CCSER1: variants seen among roughly 807,000 people sequenced by gnomAD.
CCSER1 encodes the protein coiled-coil serine rich protein 1, also known as serine-rich coiled-coil domain-containing protein 1.
CCSER1 carries 41 observed loss-of-function variants against 82.0 expected under a neutral mutation model. That is an observed-to-expected ratio of 0.50 (90% CI 0.39 to 0.65). The LOEUF (loss-of-function observed/expected upper bound fraction) is 0.65, where lower values mean the gene tolerates loss of function less well. Among genes scored for constraint, CCSER1 ranks in the 30% least tolerant of loss-of-function variants. CCSER1 has a pLI of 0.00. For missense variants in CCSER1, 1,119 were observed against 1,064.2 expected (o/e 1.05, Z -0.72); for synonymous variants, 414 against 383.9 (o/e 1.08, Z -0.92).
At chr4:90,721,910 A>G (rs1742750493) in intron 6 of CCSER1, among the ~76,000 whole-genome samples, 1 of 151,480 alleles carries the variant, frequency 6.6e-6, no homozygotes, top group Admixed American at 6.6e-5. Context: ...TCCTCAGAAC[A>G]GTAAAATTAA....
chr4:90,357,499 T>A (rs1744583148), intron 3 of CCSER1, among the ~76,000 whole-genome samples: 1 of 151,982 alleles, frequency 6.6e-6, no homozygotes, highest in African/African-American at 2.4e-5. Flanking sequence ...TGGAACATAG[T>A]AAAATTGTTA....
At chr4:91,069,672 A>G (rs1456914478) in intron 9 of CCSER1, among the ~76,000 whole-genome samples, 7 of 152,194 alleles carry the variant, frequency 4.6e-5, no homozygotes, top group Non-Finnish European at 8.8e-5. Context: ...AGAAACTTAA[A>G]ATTGAGTGAT....
chr4:90,816,638 A>G (rs532508616), intron 8 of CCSER1, among the ~76,000 whole-genome samples: 2 of 152,254 alleles, frequency 1.3e-5, no homozygotes, highest in African/African-American at 2.4e-5. Context: ...TACACTAATA[A>G]TAGATTAAAG....
At position 91,482,142 on chromosome 4, in the gene CCSER1, C is replaced by T. The variant is rs533924628; in HGVS notation, c.2218-116430C>T. ...AACGGGCCGGGCGCGGTGGCTCACGCCTGTAATCCCAGCACTTTGGGAGGC... is the reference window on the plus strand; with the variant it reads ...AACGGGCCGGGCGCGGTGGCTCACGTCTGTAATCCCAGCACTTTGGGAGGC... On this transcript the variant is annotated intron_variant, in intron 10 of 10. Transcript: ENST00000509176. 2.0e-3 allele frequency among the ~76,000 whole-genome samples: 309 copies of T among 151,526 alleles called. 9 individuals are homozygous for T. In the South Asian group the frequency reaches 0.063, roughly 31 times the overall value.
At chr4:90,767,216 A>G (rs1751382278) in intron 7 of CCSER1, among the ~76,000 whole-genome samples, 1 of 152,194 alleles carries the variant, frequency 6.6e-6, no homozygotes, top group Admixed American at 6.5e-5. Flanking sequence ...ATGTGTTTCT[A>G]AGTTTGTTCT....
chr4:90,698,590 A>T (rs1737416707), intron 6 of CCSER1, among the ~76,000 whole-genome samples: 1 of 152,168 alleles, frequency 6.6e-6, no homozygotes, highest in Non-Finnish European at 1.5e-5. Flanking sequence ...AATTTCTATG[A>T]TATAAATGAT....
At chr4:90,519,195 A>T (rs1440045614) in intron 5 of CCSER1, among the ~76,000 whole-genome samples, 1 of 151,778 alleles carries the variant, frequency 6.6e-6, no homozygotes, top group Non-Finnish European at 1.5e-5. Flanking sequence ...TCTGCCTTCT[A>T]TGTGCCAGAT....
intron 5 of CCSER1, among the ~76,000 whole-genome samples, chr4:90,487,885 C>T (rs1767359377): frequency 6.6e-6 from 1 of 151,962 alleles, no homozygotes; most frequent in Admixed American, 6.6e-5. Flanking sequence ...AGTGATCTGC[C>T]CACCTTGGCT....
chr4:91,068,644 T>A (rs1472051952), intron 9 of CCSER1, among the ~76,000 whole-genome samples: 2 of 152,154 alleles, frequency 1.3e-5, no homozygotes, highest in Non-Finnish European at 2.9e-5. Context: ...GTTTACAAGA[T>A]AATAATTATT....
chr4:90,781,493 G>A (rs1753774129), intron 7 of CCSER1: 2 of 985,000 alleles, frequency 2.0e-6, no homozygotes, highest in African/African-American at 3.5e-5. Context: ...AACTGAGTGT[G>A]TAATCTTCTC....
chr4:91,392,252 A>C lies in CCSER1; in HGVS notation c.2218-206320A>C, dbSNP rs2149350773. Reference sequence around the variant, plus strand: ...AAAATAGCAGGATATTTCTCTTTGCACATTTTTCTCTCTCTGAGATTAAGC... The same window carrying C: ...AAAATAGCAGGATATTTCTCTTTGCCCATTTTTCTCTCTCTGAGATTAAGC... On this transcript the variant is annotated intron_variant, in intron 10 of 10. Transcript: ENST00000509176. Among the ~76,000 whole-genome samples the C allele has an allele frequency of 2.0e-5, 3 of 152,178 alleles. No homozygotes were observed. In the Middle Eastern group the frequency reaches 0.01, roughly 518 times the overall value.
intron 10 of CCSER1, among the ~76,000 whole-genome samples, chr4:91,524,008 A>T (rs1182471057): frequency 6.6e-6 from 1 of 152,200 alleles, no homozygotes; most frequent in African/African-American, 2.4e-5. Context: ...CTAACATTGG[A>T]GGAATGCCTA....
intron 8 of CCSER1, among the ~76,000 whole-genome samples, chr4:90,871,904 A>G (rs1293826103): frequency 6.6e-6 from 1 of 151,842 alleles, no homozygotes; most frequent in Non-Finnish European, 1.5e-5. Flanking sequence ...TGACCCCTTT[A>G]TCATTAAATA....
chr4:90,350,666 T>C (rs1267321971), intron 3 of CCSER1, among the ~76,000 whole-genome samples: 3 of 152,090 alleles, frequency 2.0e-5, no homozygotes, highest in Non-Finnish European at 4.4e-5. Context: ...GTAACGGAAG[T>C]AAAGCTACCA....
intron 10 of CCSER1, among the ~76,000 whole-genome samples, chr4:91,190,385 C>T (rs973270383): frequency 2.0e-5 from 3 of 148,264 alleles, no homozygotes; most frequent in African/African-American, 7.8e-5. Context: ...GGCTTTTCCT[C>T]TTCCCATGTG....
At chr4:91,166,093 G>C (rs1732033482) in intron 10 of CCSER1, among the ~76,000 whole-genome samples, 1 of 152,186 alleles carries the variant, frequency 6.6e-6, no homozygotes, top group South Asian at 2.1e-4. Flanking sequence ...AACATTTTAA[G>C]ATTTTTAAAA....
chr4:91,060,679 C>A (rs1365071392), intron 9 of CCSER1, among the ~76,000 whole-genome samples: 1 of 151,992 alleles, frequency 6.6e-6, no homozygotes, highest in East Asian at 1.9e-4. Context: ...GTTAGGTTTT[C>A]TGTACCCAAA....
At position 91,407,664 on chromosome 4, in the gene CCSER1, G is replaced by A. The variant is rs545996926; in HGVS notation, c.2218-190908G>A. Among the ~76,000 whole-genome samples, 5 of 152,244 alleles carry A rather than the reference G, an allele frequency of 3.3e-5. No individual in the cohort carries two copies. The South Asian group carries it at 1.0e-3, about 32-fold the overall frequency. On this transcript the variant is annotated intron_variant, in intron 10 of 10. Coordinates refer to ENST00000509176, the MANE Select transcript of CCSER1 (RefSeq NM_001145065.2). ...GGCTGCTTCCACTCATGGTAGAAGGGAAACAGGAGCAGGCTTCTATACAGA... is the reference window on the plus strand; with the variant it reads ...GGCTGCTTCCACTCATGGTAGAAGGAAAACAGGAGCAGGCTTCTATACAGA...
intron 8 of CCSER1, among the ~76,000 whole-genome samples, chr4:90,902,036 A>G (rs1034937031): frequency 2.6e-5 from 4 of 151,834 alleles, no homozygotes; most frequent in Non-Finnish European, 5.9e-5. Context: ...ACTGGCTTCC[A>G]ATATCTAAAA....
Sources: gnomAD v4.1 joint callset for allele counts (sites outside exome capture counted in the v4.1 genomes callset) on GRCh38, gnomAD v4.1.1 for gene constraint, MANE v1.5 for transcripts, NCBI Gene and HGNC (gene_info 2026-07-23, HGNC 2026-07-21) for gene names.